Variants in GRID2 observed in about 807,000 individuals in gnomAD.
GRID2 encodes glutamate receptor ionotropic, delta-2.
Under a neutral mutation model 114.8 loss-of-function variants are expected in GRID2, and 33 were observed. The observed-to-expected ratio is 0.29, with a 90% CI of 0.22 to 0.38. The LOEUF (loss-of-function observed/expected upper bound fraction) is 0.38, where lower values mean the gene tolerates loss of function less well. Ranked by LOEUF, GRID2 falls within the 10% of genes least tolerant of loss-of-function variation. The pLI is 1.00. For missense variants in GRID2, 1,184 were observed against 1,257.7 expected, an observed-to-expected ratio of 0.94 and a Z score of 0.89; for synonymous variants, 505 against 449.9, an observed-to-expected ratio of 1.12 and a Z score of -1.55.
At chr4:92,676,670 T>C (rs568563419) in intron 2 of GRID2, among the ~76,000 whole-genome samples, 1 of 152,098 alleles carries the variant, frequency 6.6e-6, no homozygotes, top group Non-Finnish European at 1.5e-5. Context: ...TTCACAAAAT[T>C]TTCATTATAC....
At chr4:92,574,082 T>C (rs1222029931) in intron 1 of GRID2, among the ~76,000 whole-genome samples, 1 of 152,174 alleles carries the variant, frequency 6.6e-6, no homozygotes, top group African/African-American at 2.4e-5. Context: ...TCTTTTGTTC[T>C]TTGTTGGTTT....
At chr4:92,467,317 A>G (rs1279859765) in intron 1 of GRID2, among the ~76,000 whole-genome samples, 1 of 151,960 alleles carries the variant, frequency 6.6e-6, no homozygotes, top group African/African-American at 2.4e-5. Flanking sequence ...TATATTATGT[A>G]TTATTACAAA....
At chr4:93,583,855 A>G (rs1049083562) in intron 13 of GRID2, among the ~76,000 whole-genome samples, 1 of 152,186 alleles carries the variant, frequency 6.6e-6, no homozygotes, top group Non-Finnish European at 1.5e-5. Flanking sequence ...TTGCAAACAA[A>G]CTACAACAAT....
At chr4:93,121,916 G>C (rs542641031) in intron 4 of GRID2, among the ~76,000 whole-genome samples, 2 of 152,024 alleles carry the variant, frequency 1.3e-5, no homozygotes, top group African/African-American at 4.8e-5. Context: ...TTGCTTCGAG[G>C]ATATTTTTCT....
At position 92,705,304 on chromosome 4, in the gene GRID2, A is replaced by T. The variant is rs181100222; in HGVS notation, c.244+115018A>T. On this transcript the variant is annotated intron_variant, in intron 2 of 15. Coordinates refer to ENST00000282020, the MANE Select transcript of GRID2 (RefSeq NM_001510.4). ...TATTCATTTTTATCAATACTTGCAT[A>T]TCACCAGACTTACAATAAAGAACAT... Among the ~76,000 whole-genome samples, 624 of 152,326 alleles carry T rather than the reference A, an allele frequency of 4.1e-3. 4 individuals carry two copies. Among genetic ancestry groups the T allele is most frequent in the Non-Finnish European group, 5.6e-3 (380 of 68,022 alleles).
intron 1 of GRID2, among the ~76,000 whole-genome samples, chr4:92,375,781 G>A (rs1403361578): frequency 6.6e-6 from 1 of 152,098 alleles, no homozygotes; most frequent in Admixed American, 6.6e-5. Context: ...AAATCCAAAA[G>A]CATGAGGAAA....
At chr4:93,342,675 A>G (rs547853798) in intron 8 of GRID2, among the ~76,000 whole-genome samples, 88 of 152,334 alleles carry the variant, frequency 5.8e-4, no homozygotes, top group African/African-American at 1.9e-3. Flanking sequence ...TAGTATTAAA[A>G]TGAATTTTAT....
intron 4 of GRID2, among the ~76,000 whole-genome samples, chr4:93,156,391 A>G (rs1009442099): frequency 1.3e-5 from 2 of 151,794 alleles, no homozygotes; most frequent in Non-Finnish European, 2.9e-5. Flanking sequence ...GTCAGGCAGC[A>G]TAGTGTTGGA....
Position 93,224,749 on chromosome 4 carries a change from C to T in GRID2, c.1099C>T (p.Arg367Cys), listed in dbSNP as rs544360335. Reference sequence around the variant, plus strand: ...GAACTCAAAGCCCTGGCAGGGTGGGCGCTCCATGTTGGAGACCATCAAGAA... The same window carrying T: ...GAACTCAAAGCCCTGGCAGGGTGGGTGCTCCATGTTGGAGACCATCAAGAA... ...RKNSKPWQGGRSMLETIKKGG... is the reference protein window; with the variant it reads ...RKNSKPWQGGCSMLETIKKGG... The change falls in exon 7 of 16, where the codon CGC becomes TGC. Residue 367 changes from arginine to cysteine, a missense_variant. This residue lies in a region of GRID2 where 717 missense variants were observed against 796.9 expected (regional missense o/e 0.90). Transcript: ENST00000282020. 17 of 1,612,596 alleles carry T rather than the reference C, an allele frequency of 1.1e-5. No individual in the cohort carries two copies. The highest frequency in any genetic ancestry group is 2.7e-5 in the African/African-American group (2 of 74,914).
intron 10 of GRID2, among the ~76,000 whole-genome samples, chr4:93,442,589 A>G (rs116668374): frequency 0.029 from 4,473 of 152,110 alleles, 134 homozygotes; most frequent in African/African-American, 0.071. Flanking sequence ...AAGCAGCTCT[A>G]TAGAGAAGAG....
chr4:93,608,895 C>G (rs1740630950), intron 13 of GRID2, among the ~76,000 whole-genome samples: 8 of 131,488 alleles, frequency 6.1e-5, no homozygotes, highest in African/African-American at 1.7e-4. Context: ...ACACTGACTT[C>G]CACAATGGTT....
intron 13 of GRID2, among the ~76,000 whole-genome samples, chr4:93,574,764 G>A (rs1013600577): frequency 1.3e-5 from 2 of 152,096 alleles, no homozygotes; most frequent in East Asian, 1.9e-4. Flanking sequence ...GTAAGATAAC[G>A]AATAAAAGAT....
chr4:92,601,820 T>TA (rs1333242995), intron 2 of GRID2, among the ~76,000 whole-genome samples: 3 of 151,886 alleles, frequency 2.0e-5, no homozygotes, highest in East Asian at 3.9e-4. Flanking sequence ...AGAAAAATGA[T>TA]AAAAAAGATA....
intron 15 of GRID2, among the ~76,000 whole-genome samples, chr4:93,770,450 G>GTT (rs922080346): frequency 6.6e-6 from 1 of 152,120 alleles, no homozygotes; most frequent in Non-Finnish European, 1.5e-5. Flanking sequence ...ACATTAATGT[G>GTT]TTTTTTTCAA....
intron 1 of GRID2, among the ~76,000 whole-genome samples, chr4:92,519,031 C>G (rs1008272731): frequency 2.0e-5 from 3 of 151,698 alleles, no homozygotes; most frequent in Non-Finnish European, 2.9e-5. Flanking sequence ...TCCAGAACCC[C>G]AAATTGAAGA....
At chr4:92,735,158 C>T (rs910108425) in intron 2 of GRID2, among the ~76,000 whole-genome samples, 1 of 151,886 alleles carries the variant, frequency 6.6e-6, no homozygotes, top group African/African-American at 2.4e-5. Context: ...TAATATTAAT[C>T]CTTTTTGATA....
intron 8 of GRID2, among the ~76,000 whole-genome samples, chr4:93,252,724 G>C (rs1026453918): frequency 6.6e-6 from 1 of 151,948 alleles, no homozygotes; most frequent in Non-Finnish European, 1.5e-5. Context: ...CCATTTATTT[G>C]TGTCATCTCT....
At chr4:92,590,863 G>T (rs1457124409) in intron 2 of GRID2, among the ~76,000 whole-genome samples, 1 of 152,090 alleles carries the variant, frequency 6.6e-6, no homozygotes, top group Non-Finnish European at 1.5e-5. Flanking sequence ...TTGGTGCAAA[G>T]TAATGCAAAT....
At chr4:92,668,597 G>T (rs569583752) in intron 2 of GRID2, among the ~76,000 whole-genome samples, 185 of 151,890 alleles carry the variant, frequency 1.2e-3, no homozygotes, top group African/African-American at 4.3e-3. Flanking sequence ...GAGCAATCTA[G>T]ATTCCTGCTT....
Sources: gnomAD v4.1 joint callset for allele counts (sites outside exome capture counted in the v4.1 genomes callset) on GRCh38, gnomAD v4.1.1 for gene constraint, gnomAD v4.1.1 regional missense constraint, MANE v1.5 for transcripts, NCBI Gene and HGNC (gene_info 2026-07-23, HGNC 2026-07-21) for gene names.